The following ADCY1 variants were observed in gnomAD, a reference collection of about 807,000 sequenced individuals.
The protein encoded by ADCY1 is adenylate cyclase 1.
In ADCY1, 28 loss-of-function variants were observed where a neutral mutation model predicts 105.4. The observed-to-expected ratio is 0.27, with a 90% confidence interval of 0.20 to 0.36. The LOEUF (loss-of-function observed/expected upper bound fraction) is 0.36. Among genes scored for constraint, ADCY1 ranks in the 10% least tolerant of loss-of-function variants. The pLI is 1.00. For synonymous variants in ADCY1, 655 were observed against 623.8 expected, an observed-to-expected ratio of 1.05 and a Z score of -0.75; for missense variants, 977 against 1,434.2, an observed-to-expected ratio of 0.68 and a Z score of 5.15.
intron 3 of ADCY1, among the ~76,000 whole-genome samples, chr7:45,621,567 G>A (rs1459986354): frequency 6.6e-6 from 1 of 152,198 alleles, no homozygotes; most frequent in Admixed American, 6.5e-5. Flanking sequence ...CATTTTACAT[G>A]GCGGACATGC....
At chr7:45,586,492 C>T (rs889835788) in intron 1 of ADCY1, among the ~76,000 whole-genome samples, 2 of 152,180 alleles carry the variant, frequency 1.3e-5, no homozygotes, top group African/African-American at 4.8e-5. Context: ...CTTGAGTACC[C>T]ATCACTGGCT....
chr7:45,621,965 T>C (rs1369729023), intron 3 of ADCY1, among the ~76,000 whole-genome samples: 1 of 152,222 alleles, frequency 6.6e-6, no homozygotes, highest in East Asian at 1.9e-4. Flanking sequence ...TTTAAAGTCT[T>C]ATTATCTCCA....
At chr7:45,673,964 CATATAT>C (rs58025464) in intron 8 of ADCY1, among the ~76,000 whole-genome samples, 1,349 of 114,646 alleles carry the variant, frequency 0.012, 9 homozygotes, top group East Asian at 0.017. Context: ...TTCAGATGAG[CATATAT>C]ATATATATAT....
chr7:45,673,738 AT>A (rs536470934), intron 8 of ADCY1, among the ~76,000 whole-genome samples: 4 of 150,228 alleles, frequency 2.7e-5, no homozygotes, highest in Non-Finnish European at 4.4e-5. Context: ...GATTTTCTCT[AT>A]TTTTTTTGTT....
intron 2 of ADCY1, among the ~76,000 whole-genome samples, chr7:45,608,536 C>T (rs966248428): frequency 6.6e-6 from 1 of 152,252 alleles, no homozygotes; most frequent in African/African-American, 2.4e-5. Flanking sequence ...CTGGTTCTTG[C>T]AGCACCCTGT....
chr7:45,609,682 G>A (rs1793478059), intron 2 of ADCY1, among the ~76,000 whole-genome samples: 1 of 152,122 alleles, frequency 6.6e-6, no homozygotes, highest in African/African-American at 2.4e-5. Context: ...TGCCCAACAG[G>A]TCAAGGGCCA....
intron 4 of ADCY1, among the ~76,000 whole-genome samples, chr7:45,635,078 T>C (rs757946012): frequency 5.9e-5 from 9 of 152,108 alleles, no homozygotes; most frequent in Non-Finnish European, 1.3e-4. Context: ...CCTGATATTT[T>C]CTTTGTGGAA....
intron 19 of ADCY1, among the ~76,000 whole-genome samples, chr7:45,712,763 A>G (rs1785286155): frequency 6.6e-6 from 1 of 152,148 alleles, no homozygotes; most frequent in African/African-American, 2.4e-5. Context: ...TCACACCTCC[A>G]ACATAACGCA....
chr7:45,585,197 C>T lies in ADCY1; in HGVS notation c.640-7562C>T, dbSNP rs556400590. ...CAAAAAGGGATCTTAAATACTTGTTCGTTGAACTTGTTTTCTGTGACAGCT... is the reference window on the plus strand; with the variant it reads ...CAAAAAGGGATCTTAAATACTTGTTTGTTGAACTTGTTTTCTGTGACAGCT... On this transcript the variant is annotated intron_variant, in intron 1 of 19. Transcript: ENST00000297323. Among the ~76,000 whole-genome samples, 19 of 152,330 alleles carry T rather than the reference C, an allele frequency of 1.2e-4. No homozygotes were observed. In the South Asian group the frequency reaches 3.1e-3, roughly 25 times the overall value.
At chr7:45,659,069 A>G (rs2461132) in intron 6 of ADCY1, among the ~76,000 whole-genome samples, 149,034 of 152,308 alleles carry the variant, frequency 0.98, 72,985 homozygotes, top group East Asian at 1. Flanking sequence ...GCCCCTTTGC[A>G]GCCTCTCTTC....
chr7:45,701,601 C>T (rs1377361187), intron 14 of ADCY1, among the ~76,000 whole-genome samples: 1 of 152,144 alleles, frequency 6.6e-6, no homozygotes, highest in East Asian at 1.9e-4. Context: ...TTATGTCACC[C>T]TTTACAAACC....
chr7:45,653,870 G>A (rs556887250), intron 5 of ADCY1, among the ~76,000 whole-genome samples: 12 of 152,186 alleles, frequency 7.9e-5, no homozygotes, highest in Non-Finnish European at 1.6e-4. Context: ...ATTTCATATG[G>A]TTTCAGCTAC....
At position 45,722,927 on chromosome 7, in the gene ADCY1, T is replaced by C. The variant is rs1368492180; in HGVS notation, c.*8932T>C. On this transcript the variant is annotated 3_prime_UTR_variant, in exon 20 of 20. Coordinates refer to ENST00000297323, the MANE Select transcript of ADCY1 (RefSeq NM_021116.4). ...AACACTGTAGGGTACCTTCCAGTCT[T>C]TTTCAAGATTGTTAAATTGAGACAA... 6.5e-6 allele frequency: 1 copy of C among 152,766 alleles called. No homozygotes were observed. Among genetic ancestry groups the C allele is most frequent in the East Asian group, 1.9e-4 (1 of 5,182 alleles). The allele number at this position is 152,766 out of a possible 1,614,324, so 9.5% of individuals were successfully genotyped here.
chr7:45,596,114 A>G (rs1793063777), intron 2 of ADCY1, among the ~76,000 whole-genome samples: 1 of 152,256 alleles, frequency 6.6e-6, no homozygotes, highest in Non-Finnish European at 1.5e-5. Context: ...AGAGGTGGCC[A>G]TGGCAGCCCT....
At chr7:45,637,213 T>G (rs779971829) in intron 4 of ADCY1, among the ~76,000 whole-genome samples, 1 of 152,236 alleles carries the variant, frequency 6.6e-6, no homozygotes, top group Non-Finnish European at 1.5e-5. Context: ...ATTATATACA[T>G]CTGTTTCTTC....
chr7:45,576,116 G>A (rs1792337504), intron 1 of ADCY1, among the ~76,000 whole-genome samples: 2 of 152,228 alleles, frequency 1.3e-5, no homozygotes, highest in African/African-American at 4.8e-5. Context: ...CAGTTTAGCA[G>A]GGGGATGGTA....
chr7:45,603,225 G>T (rs573538375), intron 2 of ADCY1, among the ~76,000 whole-genome samples: 4 of 152,258 alleles, frequency 2.6e-5, no homozygotes, highest in Non-Finnish European at 5.9e-5. Flanking sequence ...TACATATTTG[G>T]GTTGTTTCCA....
intron 4 of ADCY1, among the ~76,000 whole-genome samples, chr7:45,626,614 G>A (rs958576113): frequency 2.0e-5 from 3 of 152,240 alleles, no homozygotes; most frequent in Admixed American, 1.3e-4. Context: ...AGTCCCTGCA[G>A]CAGCAGAAAT....
intron 3 of ADCY1, among the ~76,000 whole-genome samples, chr7:45,621,607 T>A (rs111883872): frequency 0.043 from 6,483 of 152,310 alleles, 216 homozygotes; most frequent in African/African-American, 0.095. Context: ...CTGTCAATAG[T>A]GGAGCTGGAT....
Sources: gnomAD v4.1 joint callset for allele counts (sites outside exome capture counted in the v4.1 genomes callset) on GRCh38, gnomAD v4.1.1 for gene constraint, MANE v1.5 for transcripts, NCBI Gene and HGNC (gene_info 2026-07-23, HGNC 2026-07-21) for gene names.